The following ADAMTSL3 variants were observed in gnomAD, a reference collection of about 807,000 sequenced individuals.
ADAMTSL3 encodes ADAMTS-like protein 3.
ADAMTSL3 carries 128 observed loss-of-function variants against 201.7 expected under a neutral mutation model. The ratio of observed to expected loss-of-function variants is 0.63; its 90% CI spans 0.55 to 0.73. The LOEUF is 0.73. Among genes scored for constraint, ADAMTSL3 ranks in the 30% least tolerant of loss-of-function variants. ADAMTSL3 has a pLI of 0.00. For synonymous variants in ADAMTSL3, 738 were observed against 748.4 expected (o/e 0.99, Z 0.23); for missense variants, 1,990 against 2,119.6 (o/e 0.94, Z 1.20).
intron 23 of ADAMTSL3, among the ~76,000 whole-genome samples, chr15:84,005,869 C>T (rs2067885286): frequency 6.6e-6 from 1 of 152,108 alleles, no homozygotes; most frequent in East Asian, 1.9e-4. Flanking sequence ...CATGAGTTTA[C>T]TAGAGAAAAG....
chr15:83,917,293 G>A (rs1001289772), intron 16 of ADAMTSL3, among the ~76,000 whole-genome samples: 1 of 152,168 alleles, frequency 6.6e-6, no homozygotes, highest in African/African-American at 2.4e-5. Context: ...TCCATTTGTT[G>A]TAATTACTGA....
intron 6 of ADAMTSL3, among the ~76,000 whole-genome samples, chr15:83,837,652 G>T (rs1254852795): frequency 6.6e-6 from 1 of 151,624 alleles, no homozygotes; most frequent in Non-Finnish European, 1.5e-5. Context: ...TGGGGCACAG[G>T]CCTGTGACTC....
intron 2 of ADAMTSL3, among the ~76,000 whole-genome samples, chr15:83,686,883 G>A (rs1391359597): frequency 6.6e-6 from 1 of 152,138 alleles, no homozygotes; most frequent in Admixed American, 6.6e-5. Flanking sequence ...ACATTTTCTA[G>A]TAGCTGTATT....
At chr15:83,845,700 G>A (rs948007802) in intron 7 of ADAMTSL3, among the ~76,000 whole-genome samples, 3 of 152,106 alleles carry the variant, frequency 2.0e-5, no homozygotes, top group African/African-American at 7.2e-5. Flanking sequence ...CTTATATGAA[G>A]CAATTTTCCA....
intron 7 of ADAMTSL3, among the ~76,000 whole-genome samples, chr15:83,845,644 A>G (rs190657832): frequency 6.6e-6 from 1 of 152,312 alleles, no homozygotes; most frequent in East Asian, 1.9e-4. Flanking sequence ...TTAAAAAAAA[A>G]TAGATCTTAG....
At chr15:83,885,043 G>C in intron 9 of ADAMTSL3, 58 bp from the exon 10 acceptor site, 1 of 1,115,950 alleles carries the variant, frequency 9.0e-7, no homozygotes. Context: ...ATTTTGAAAG[G>C]TGTGGAAAGC....
At chr15:83,793,678 T>C (rs1198018457) in intron 4 of ADAMTSL3, among the ~76,000 whole-genome samples, 2 of 152,162 alleles carry the variant, frequency 1.3e-5, no homozygotes, top group Non-Finnish European at 2.9e-5. Context: ...GGTTTCACCA[T>C]GTTGGAGAGG....
intron 17 of ADAMTSL3, among the ~76,000 whole-genome samples, chr15:83,927,954 C>T (rs1483332984): frequency 6.6e-6 from 1 of 151,216 alleles, no homozygotes; most frequent in African/African-American, 2.4e-5. Context: ...AAAATTGTGA[C>T]TACAATTTGG....
intron 6 of ADAMTSL3, among the ~76,000 whole-genome samples, chr15:83,823,084 C>T (rs1281057112): frequency 6.6e-6 from 1 of 151,666 alleles, no homozygotes; most frequent in Non-Finnish European, 1.5e-5. Flanking sequence ...AAATTGCAGG[C>T]ACTCGGCAGG....
intron 2 of ADAMTSL3, among the ~76,000 whole-genome samples, chr15:83,697,156 C>T (rs11629611): frequency 0.65 from 98,638 of 152,012 alleles, 34,540 homozygotes; most frequent in African/African-American, 0.9. Flanking sequence ...TTGAGGCACA[C>T]TGGATTCTGC....
chr15:83,986,589 T>TTGTTCA (rs1471562834), intron 21 of ADAMTSL3, among the ~76,000 whole-genome samples: 1 of 152,212 alleles, frequency 6.6e-6, no homozygotes, highest in Non-Finnish European at 1.5e-5. Flanking sequence ...CCCAATTAAT[T>TTGTTCA]TGTTCAATTT....
At chr15:83,714,796 TC>T (rs1209761629) in intron 3 of ADAMTSL3, among the ~76,000 whole-genome samples, 244 of 108,212 alleles carry the variant, frequency 2.3e-3, no homozygotes, top group Middle Eastern at 4.4e-3. Context: ...TTTCTTTCTC[TC>T]TCTTTCTTTC....
chr15:83,737,003 A>T (rs1041446569), intron 3 of ADAMTSL3, among the ~76,000 whole-genome samples: 1 of 152,242 alleles, frequency 6.6e-6, no homozygotes, highest in African/African-American at 2.4e-5. Flanking sequence ...CTACCAAAGG[A>T]AACAGAAGAA....
chr15:84,023,863 A>C lies in ADAMTSL3; in HGVS notation c.4458-1375A>C, dbSNP rs552410381. On this transcript the variant is annotated intron_variant, in intron 26 of 29. Coordinates refer to ENST00000286744, the MANE Select transcript of ADAMTSL3 (RefSeq NM_207517.3). ...TGGTGGTTTGGAGAAGCCTGTGGAT[A>C]CCGTCTCAGAACCAGGTTTTTGAAT... Among the ~76,000 whole-genome samples the C allele has an allele frequency of 7.2e-5, 11 of 152,332 alleles. No individual in the cohort carries two copies. The South Asian group carries it at 1.9e-3, about 26-fold the overall frequency.
At chr15:83,990,975 G>T (rs1002089681) in intron 22 of ADAMTSL3, 111 bp from the exon 23 acceptor site, 24 of 1,486,568 alleles carry the variant, frequency 1.6e-5, no homozygotes, top group Non-Finnish European at 2.1e-5. Context: ...GAGAGAACCA[G>T]GACTCCACTC....
chr15:83,784,929 G>T (rs539594042), intron 4 of ADAMTSL3, among the ~76,000 whole-genome samples: 35 of 152,036 alleles, frequency 2.3e-4, no homozygotes, highest in African/African-American at 7.7e-4. Flanking sequence ...AATTGTGTGT[G>T]TGTATACATT....
chr15:83,801,649 T>TAA (rs1491520400), intron 4 of ADAMTSL3, among the ~76,000 whole-genome samples: 2 of 27,068 alleles, frequency 7.4e-5, no homozygotes, highest in Non-Finnish European at 1.2e-4. Flanking sequence ...TATATAAATA[T>TAA]AAATATATAT....
chr15:83,879,648 G>A (rs2065236740), intron 9 of ADAMTSL3, among the ~76,000 whole-genome samples: 1 of 152,104 alleles, frequency 6.6e-6, no homozygotes, highest in African/African-American at 2.4e-5. Context: ...GTAAAACTTG[G>A]TTTGTAGCTC....
At chr15:83,955,795 A>T (rs1218354952) in intron 19 of ADAMTSL3, among the ~76,000 whole-genome samples, 3 of 151,942 alleles carry the variant, frequency 2.0e-5, no homozygotes, top group Non-Finnish European at 4.4e-5. Flanking sequence ...TGCAAGACAA[A>T]GTACAAAGTC....
Sources: allele counts gnomAD v4.1 joint callset (sites outside exome capture counted in the v4.1 genomes callset), GRCh38; gene constraint gnomAD v4.1.1; transcripts MANE v1.5; gene names NCBI Gene and HGNC (gene_info 2026-07-23, HGNC 2026-07-21).